The following RNF6 variants were observed in gnomAD, a reference collection of about 807,000 sequenced individuals.
RNF6 encodes the protein E3 ubiquitin-protein ligase RNF6.
Under a neutral mutation model 50.1 loss-of-function variants are expected in RNF6, and 21 were observed. That is an observed-to-expected ratio of 0.42 (90% confidence interval 0.30 to 0.60). RNF6 has a LOEUF of 0.60. RNF6 is among the 20% of genes least tolerant of loss of function. The pLI, the probability that RNF6 is intolerant of heterozygous loss-of-function variation, is 0.20. For synonymous variants in RNF6, 255 were observed against 291.8 expected (o/e 0.87, Z 1.29); for missense variants, 698 against 838.2 (o/e 0.83, Z 2.07).
intron 5 of RNF6, among the ~76,000 whole-genome samples, chr13:26,157,672 G>T (rs980231331): frequency 6.6e-6 from 1 of 152,122 alleles, no homozygotes; most frequent in East Asian, 1.9e-4. Context: ...CACTTTGCAG[G>T]TTGACAAAGA....
intron 5 of RNF6, among the ~76,000 whole-genome samples, chr13:26,144,086 A>AG (rs1474779889): frequency 6.6e-6 from 1 of 152,060 alleles, no homozygotes; most frequent in East Asian, 1.9e-4. Flanking sequence ...CTATCATATC[A>AG]GGGGGGCTCA....
rs148119502 is a variant in RNF6 at position 26,162,279 on chromosome 13, A to G, written n.769-29828T>C. Among the ~76,000 whole-genome samples the G allele has an allele frequency of 9.4e-3, 1,436 of 152,274 alleles. 18 individuals carry two copies. Among genetic ancestry groups the G allele is most frequent in the African/African-American group, 0.033 (1,365 of 41,542 alleles). ...TCCCTCTAGCTTAGAACCCACTGGA[A>G]TCATTCAAACTAGCCAGTCCTAAAC... On this transcript the variant is annotated intron_variant and non_coding_transcript_variant, in intron 5 of 5. Transcript: ENST00000468480.
chr13:26,201,175 T>G lies in RNF6; in HGVS notation n.768+14299A>C, dbSNP rs139195331. 3.9e-5 allele frequency among the ~76,000 whole-genome samples: 6 copies of G among 152,356 alleles called. No homozygotes were observed. In the East Asian group the frequency reaches 9.6e-4, roughly 24 times the overall value. On this transcript the variant is annotated intron_variant and non_coding_transcript_variant, in intron 5 of 5. Coordinates refer to the RNF6 transcript ENST00000468480. ...ATGGACCCCACATTTTATTTTGCACTGAGTCCAGCAAATTATGTAGCCAAC... is the reference window on the plus strand; with the variant it reads ...ATGGACCCCACATTTTATTTTGCACGGAGTCCAGCAAATTATGTAGCCAAC...
chr13:26,192,828 C>A (rs1281107998), intron 5 of RNF6, among the ~76,000 whole-genome samples: 1 of 152,224 alleles, frequency 6.6e-6, no homozygotes, highest in Non-Finnish European at 1.5e-5. Flanking sequence ...TGGCTGATAT[C>A]TTGTTTTCAG....
At chr13:26,164,478 T>G (rs143355176) in intron 5 of RNF6, among the ~76,000 whole-genome samples, 1 of 152,304 alleles carries the variant, frequency 6.6e-6, no homozygotes, top group Non-Finnish European at 1.5e-5. Flanking sequence ...CCTGAGACTT[T>G]TTAATATAGT....
chr13:26,157,731 G>A (rs1872001457), intron 5 of RNF6, among the ~76,000 whole-genome samples: 1 of 152,180 alleles, frequency 6.6e-6, no homozygotes. Context: ...GAAGAAATGT[G>A]AATCCTCAAG....
At chr13:26,191,188 T>G (rs2137684801) in intron 5 of RNF6, among the ~76,000 whole-genome samples, 1 of 148,760 alleles carries the variant, frequency 6.7e-6, no homozygotes, top group South Asian at 2.2e-4. Context: ...TTGAGATAAT[T>G]GGCCATCTGT....
chr13:26,218,224 T>C (rs756950476), intron 4 of RNF6, among the ~76,000 whole-genome samples: 1 of 152,164 alleles, frequency 6.6e-6, no homozygotes, highest in South Asian at 2.1e-4. Flanking sequence ...AAAAGTAATG[T>C]GTACATTCCA....
intron 5 of RNF6, among the ~76,000 whole-genome samples, chr13:26,155,137 T>C (rs986873540): frequency 1.3e-5 from 2 of 152,124 alleles, no homozygotes; most frequent in South Asian, 4.1e-4. Context: ...ATAGGTATTT[T>C]ATTATTAAAA....
At chr13:26,184,986 T>TGA (rs1461915394) in intron 5 of RNF6, among the ~76,000 whole-genome samples, 3 of 148,368 alleles carry the variant, frequency 2.0e-5, no homozygotes, top group Admixed American at 6.6e-5. Flanking sequence ...TGTTATCATT[T>TGA]TATTGATTGA....
At chr13:26,143,232 G>A (rs1871052582) in intron 5 of RNF6, among the ~76,000 whole-genome samples, 1 of 152,148 alleles carries the variant, frequency 6.6e-6, no homozygotes, top group Non-Finnish European at 1.5e-5. Flanking sequence ...TTAATCATAT[G>A]TCATGGTAAT....
In RNF6 at chr13:26,215,510, A is replaced by G. The variant is rs757191075; in HGVS notation, c.372T>C (p.Thr124=). Residue 124 remains threonine, a synonymous_variant, in exon 5 of 5, where the codon ACT becomes ACC. Transcript: ENST00000381588. ...LNTFRRTGNA[T]RSGQNGNQTW... ...TTTGGTTCCCATTTTGTCCACTTCG[A>G]GTTGCATTTCCTGTGCGCCGAAAGG... The G allele has an allele frequency of 6.2e-7, 1 of 1,613,910 alleles. No individual in the cohort carries two copies. Among genetic ancestry groups the G allele is most frequent in the Non-Finnish European group, 8.5e-7 (1 of 1,180,036 alleles).
chr13:26,197,128 C>T (rs1868697129), intron 5 of RNF6, among the ~76,000 whole-genome samples: 1 of 151,788 alleles, frequency 6.6e-6, no homozygotes, highest in Admixed American at 6.6e-5. Flanking sequence ...AGAGATTTGG[C>T]CAAACTCTAA....
chr13:26,175,024 G>A (rs931962553), intron 5 of RNF6, among the ~76,000 whole-genome samples: 5 of 152,146 alleles, frequency 3.3e-5, no homozygotes, highest in African/African-American at 1.2e-4. Context: ...GGTGCCTCTT[G>A]ATGCCTCAGC....
At chr13:26,137,534 G>C (rs1870711525) in intron 5 of RNF6, among the ~76,000 whole-genome samples, 1 of 151,674 alleles carries the variant, frequency 6.6e-6, no homozygotes, top group Admixed American at 6.6e-5. Flanking sequence ...TTATTAGACA[G>C]AACTTTTTAT....
At position 26,178,921 on chromosome 13, in the gene RNF6, T is replaced by C. The variant is rs550218666; in HGVS notation, n.768+36553A>G. ...TGTGTCTGACTTATTTCACTTAGTATAATGTCCTCCAGATTCATCCATGTT... is the reference window on the plus strand; with the variant it reads ...TGTGTCTGACTTATTTCACTTAGTACAATGTCCTCCAGATTCATCCATGTT... On this transcript the variant is annotated intron_variant and non_coding_transcript_variant, in intron 5 of 5. Coordinates refer to the RNF6 transcript ENST00000468480. 1.3e-4 allele frequency among the ~76,000 whole-genome samples: 20 copies of C among 152,314 alleles called. 1 individual carries two copies. In the East Asian group the frequency reaches 3.9e-3, roughly 29 times the overall value.
At chr13:26,136,291 GT>G (rs1320380592) in intron 5 of RNF6, among the ~76,000 whole-genome samples, 1 of 152,182 alleles carries the variant, frequency 6.6e-6, no homozygotes, top group Non-Finnish European at 1.5e-5. Flanking sequence ...ATGAACAGAT[GT>G]TATATAGATC....
chr13:26,186,104 A>T (rs1235440264), intron 5 of RNF6, among the ~76,000 whole-genome samples: 2 of 152,232 alleles, frequency 1.3e-5, no homozygotes, highest in African/African-American at 4.8e-5. Flanking sequence ...ACTCGGGAGT[A>T]AGAATTCAGG....
At chr13:26,138,791 A>G (rs1440524201) in intron 5 of RNF6, among the ~76,000 whole-genome samples, 6 of 152,216 alleles carry the variant, frequency 3.9e-5, no homozygotes, top group Admixed American at 2.6e-4. Flanking sequence ...ATACTAGAAT[A>G]TATCTATTTA....
Sources: gnomAD v4.1 joint callset for allele counts (sites outside exome capture counted in the v4.1 genomes callset) on GRCh38, gnomAD v4.1.1 for gene constraint, MANE v1.5 for transcripts, NCBI Gene and HGNC (gene_info 2026-07-23, HGNC 2026-07-21) for gene names.